ACSL1: variants seen among roughly 807,000 people sequenced by gnomAD.
ACSL1 encodes the protein acyl-CoA synthetase long chain family member 1.
In ACSL1, 41 loss-of-function variants were observed where a neutral mutation model predicts 98.4. That is an observed-to-expected ratio of 0.42 (90% CI 0.32 to 0.54). ACSL1 has a LOEUF of 0.54. Among genes scored for constraint, ACSL1 ranks in the 20% least tolerant of loss-of-function variants. The pLI is 0.13. For missense variants in ACSL1, 734 were observed against 883.1 expected (o/e 0.83, Z 2.14); for synonymous variants, 316 against 322.7 (o/e 0.98, Z 0.22).
Position 184,758,057 on chromosome 4 carries a change from C to A in ACSL1, c.1783-137G>T, listed in dbSNP as rs189516940. On this transcript the variant is annotated intron_variant, in intron 18 of 20. Transcript: ENST00000281455. ...CTCATCTATTCAGAACATACTACCC[C>A]CCTCCCCCAGGAGTTCACTCAGCCC... 3.4e-3 allele frequency: 2,633 copies of A among 784,658 alleles called. 14 individuals are homozygous for A. Among genetic ancestry groups the A allele is most frequent in the Non-Finnish European group, 4.6e-3 (2,243 of 492,568 alleles). The allele number at this position is 784,658 out of a possible 1,614,324, so 48.6% of individuals were successfully genotyped here. A position where few individuals can be genotyped will look rare whatever the true frequency, so the allele number is the denominator to read the frequency against.
At chr4:184,776,223 G>C (rs1765263630) in intron 7 of ACSL1, among the ~76,000 whole-genome samples, 1 of 152,210 alleles carries the variant, frequency 6.6e-6, no homozygotes, top group Non-Finnish European at 1.5e-5. Context: ...GGCATTTCCG[G>C]GCACAGCTTG....
chr4:184,795,499 C>T (rs72695656), intron 2 of ACSL1, among the ~76,000 whole-genome samples: 15,381 of 152,130 alleles, frequency 0.1, 951 homozygotes, highest in Non-Finnish European at 0.14. Context: ...AAAGAGAGCC[C>T]GGAAATAGTT....
At chr4:184,797,662 G>C (rs1358632541) in intron 2 of ACSL1, among the ~76,000 whole-genome samples, 1 of 152,178 alleles carries the variant, frequency 6.6e-6, no homozygotes, top group Non-Finnish European at 1.5e-5. Flanking sequence ...ACCTGAGAAT[G>C]AACCCACAGC....
intron 2 of ACSL1, among the ~76,000 whole-genome samples, chr4:184,791,059 C>G (rs1303252504): frequency 1.3e-5 from 2 of 152,240 alleles, no homozygotes; most frequent in Non-Finnish European, 2.9e-5. Flanking sequence ...GTTGTCTCAG[C>G]ATGGCCTAGA....
chr4:184,768,920 T>C (rs1184479397), intron 11 of ACSL1, among the ~76,000 whole-genome samples: 2 of 152,006 alleles, frequency 1.3e-5, no homozygotes, highest in Non-Finnish European at 2.9e-5. Flanking sequence ...AAAACAAAAA[T>C]TAGCCGGGCT....
chr4:184,788,600 TGCAG>T lies in ACSL1; in HGVS notation c.310+13_310+16del, dbSNP rs754834895. ...ACACGGCGAGCGGGAGCCACGCAAA[TGCAG>T]GAAAATGCTTACTTGACACCTGTAT... On this transcript the variant is annotated intron_variant, in intron 3 of 20. Transcript: ENST00000281455. The T allele has an allele frequency of 6.3e-7, 1 of 1,597,712 alleles. No individual in the cohort carries two copies. The highest frequency in any genetic ancestry group is 2.2e-5 in the East Asian group (1 of 44,800).
intron 2 of ACSL1, among the ~76,000 whole-genome samples, chr4:184,793,244 G>A (rs73874494): frequency 0.02 from 2,999 of 151,636 alleles, 92 homozygotes; most frequent in African/African-American, 0.067. Context: ...CAGTGAAATC[G>A]GTGGTCATGA....
Position 184,768,394 on chromosome 4 carries a change from CA to C in ACSL1, c.1049del (p.Leu350ArgfsTer21). ...GAAGCACCTTGAGGTCATCCATGAG[CA>C]GCCTGATATCTCCTTGGAAAAATCC... ...KIGFFQGDIR[L>X]LMDDLKVLQP... On this transcript the variant is annotated frameshift_variant, in exon 12 of 21. Coordinates refer to ENST00000281455, the MANE Select transcript of ACSL1 (RefSeq NM_001995.5). LOFTEE classifies it high-confidence loss of function. 1 of 1,613,990 alleles carries C rather than the reference CA, an allele frequency of 6.2e-7. No individual in the cohort carries two copies. The highest frequency in any genetic ancestry group is 8.5e-7 in the Non-Finnish European group (1 of 1,179,984).
chr4:184,766,525 T>G lies in ACSL1; in HGVS notation c.1263+97A>C. On this transcript the variant is annotated intron_variant, in intron 13 of 20. Coordinates refer to ENST00000281455, the MANE Select transcript of ACSL1 (RefSeq NM_001995.5). This position sits in a 1 kb window ranked among gnomAD's most constrained non-coding sequence, Gnocchi z 4.8. ...TAACAAAAACATGTTATTCTCTCCCTTACCTTCATCTCTCCCTCTCACAAA... is the reference window on the plus strand; with the variant it reads ...TAACAAAAACATGTTATTCTCTCCCGTACCTTCATCTCTCCCTCTCACAAA... 6.8e-7 allele frequency: 1 copy of G among 1,473,106 alleles called. No individual in the cohort carries two copies. The highest frequency in any genetic ancestry group is 2.3e-5 in the East Asian group (1 of 43,640). 91.3% of individuals were successfully genotyped at this position (1,473,106 alleles called of 1,614,324 possible).
At chr4:184,822,380 G>A (rs1391422653) in intron 1 of ACSL1, among the ~76,000 whole-genome samples, 3 of 151,988 alleles carry the variant, frequency 2.0e-5, no homozygotes, top group Non-Finnish European at 2.9e-5. Flanking sequence ...TATTTCACCC[G>A]CCCCTCTTGA....
At chr4:184,790,937 C>T (rs1048249874) in intron 2 of ACSL1, among the ~76,000 whole-genome samples, 1 of 151,894 alleles carries the variant, frequency 6.6e-6, no homozygotes, top group African/African-American at 2.4e-5. Flanking sequence ...ACCGAAGGCA[C>T]CAAGGCTAAG....
intron 1 of ACSL1, among the ~76,000 whole-genome samples, chr4:184,811,269 T>C (rs55704611): frequency 0.086 from 13,056 of 150,942 alleles, 754 homozygotes; most frequent in South Asian, 0.12. Flanking sequence ...CCACCACGCC[T>C]GGCTAATTTT....
chr4:184,769,983 TAG>T (rs1438270244), intron 11 of ACSL1, among the ~76,000 whole-genome samples: 1 of 152,164 alleles, frequency 6.6e-6, no homozygotes, highest in Non-Finnish European at 1.5e-5. Flanking sequence ...CAATCAAAAA[TAG>T]AGACTTCTCA....
At chr4:184,800,144 T>C (rs114600853) in intron 2 of ACSL1, among the ~76,000 whole-genome samples, 2,744 of 152,244 alleles carry the variant, frequency 0.018, 38 homozygotes, top group South Asian at 0.028. Context: ...ATACTTATTG[T>C]GGGCCAAGCA....
intron 3 of ACSL1, among the ~76,000 whole-genome samples, chr4:184,788,140 C>T (rs557913040): frequency 2.2e-4 from 33 of 152,264 alleles, no homozygotes; most frequent in African/African-American, 5.3e-4. Flanking sequence ...AGGAGGTATG[C>T]TGGATATCAC....
intron 12 of ACSL1, among the ~76,000 whole-genome samples, chr4:184,767,507 G>A (rs553303485): frequency 1.1e-3 from 167 of 152,068 alleles, no homozygotes; most frequent in Non-Finnish European, 2.0e-3. Flanking sequence ...GGGGGTCGGG[G>A]AGCTGATAAA....
intron 1 of ACSL1, among the ~76,000 whole-genome samples, chr4:184,818,197 C>T (rs1331435194): frequency 6.6e-6 from 1 of 152,190 alleles, no homozygotes; most frequent in Non-Finnish European, 1.5e-5. Flanking sequence ...ACAGAAGGAA[C>T]AATGAGCCAT....
intron 3 of ACSL1, 22 bp from the exon 4 acceptor site, chr4:184,784,013 C>G (rs753508352): frequency 1.9e-6 from 3 of 1,592,128 alleles, no homozygotes; most frequent in Admixed American, 1.7e-5. Context: ...GAAAAAACAA[C>G]AGATGGGCTG....
Position 184,773,631 on chromosome 4 carries a change from A to G in ACSL1, c.841+32T>C, listed in dbSNP as rs773154972. ...GGGAGAGTCCAGACCAATGGCTGCC[A>G]TATGTAGAAGCAATTCTATCTCAAA... On this transcript the variant is annotated intron_variant, in intron 9 of 20. Coordinates refer to ENST00000281455, the MANE Select transcript of ACSL1 (RefSeq NM_001995.5). The surrounding 1 kb of genome is among the most constrained non-coding windows in gnomAD (Gnocchi z 4.3). The G allele has an allele frequency of 5.4e-5, 86 of 1,597,184 alleles. No homozygotes were observed. Among genetic ancestry groups the G allele is most frequent in the Non-Finnish European group, 1.4e-5 (16 of 1,172,408 alleles).
Sources: gnomAD v4.1 joint callset for allele counts (sites outside exome capture counted in the v4.1 genomes callset) on GRCh38, gnomAD v4.1.1 for gene constraint, Gnocchi (gnomAD v3.1) non-coding constraint, MANE v1.5 for transcripts, NCBI Gene and HGNC (gene_info 2026-07-23, HGNC 2026-07-21) for gene names.